The following SLC9A6 variants were observed in gnomAD, a reference collection of about 807,000 sequenced individuals.
The protein encoded by SLC9A6 is sodium/hydrogen exchanger 6.
Under a neutral mutation model 45.3 loss-of-function variants are expected in SLC9A6, and 6 were observed. The observed-to-expected ratio is 0.13, with a 90% CI of 0.07 to 0.26. SLC9A6 has a LOEUF of 0.26. Ranked by LOEUF, SLC9A6 falls within the 10% of genes least tolerant of loss-of-function variation. The pLI, the probability that SLC9A6 is intolerant of heterozygous loss-of-function variation, is 1.00. For synonymous variants in SLC9A6, 191 were observed against 187.7 expected (o/e 1.02, Z -0.14); for missense variants, 278 against 503.7 (o/e 0.55, Z 4.29).
In SLC9A6 at chrX:136,044,978, C is replaced by A. The variant is rs1334984490; in HGVS notation, c.*254C>A. The A allele has an allele frequency of 1.2e-5, 4 of 347,643 alleles. No homozygotes were observed. Among genetic ancestry groups the A allele is most frequent in the Non-Finnish European group, 2.0e-5 (4 of 200,045 alleles). The allele number at this position is 347,643 out of a possible 1,213,427, so 28.6% of individuals were successfully genotyped here. ...TACTTTCACAGTGATGTTGTGTGTT[C>A]TGTTAGTTTTATGTCTCAGTTAAAG... On this transcript the variant is annotated 3_prime_UTR_variant, in exon 18 of 18. Transcript: ENST00000630721.
At chrX:135,985,274 A>C (rs1556614604), upstream of SLC9A6, 4 of 287,414 alleles carry the variant, frequency 1.4e-5, no homozygotes, top group African/African-American at 2.8e-5. Flanking sequence ...GGGCTAGTTT[A>C]GACGGCCTTT....
chrX:135,988,501 T>TTTCTTTCTTTCTTTC (rs1556615239), intron 2 of SLC9A6, among the ~76,000 whole-genome samples: 24 of 104,762 alleles, frequency 2.3e-4, no homozygotes, highest in African/African-American at 8.5e-4. Context: ...TTCTTTCTTT[T>TTTCTTTCTTTCTTTC]CTTTCTTTCT....
chrX:136,019,692 A>G (rs1279022091), intron 11 of SLC9A6, among the ~76,000 whole-genome samples: 1 of 112,650 alleles, frequency 8.9e-6, no homozygotes, highest in African/African-American at 3.2e-5. Flanking sequence ...CCCCGCACTC[A>G]GTTTCCCCTA....
intron 12 of SLC9A6, 93 bp from the exon 13 acceptor site, chrX:136,024,236 TC>T: frequency 1.1e-6 from 1 of 921,531 alleles, no homozygotes; most frequent in Non-Finnish European, 1.6e-6. Flanking sequence ...TTCACATGCT[TC>T]TAAGTTTTTA....
Position 136,044,787 on chromosome X carries a change from C to G in SLC9A6, c.*63C>G, listed in dbSNP as rs948579065. 10 of 1,062,335 alleles carry G rather than the reference C, an allele frequency of 9.4e-6. No individual in the cohort carries two copies. In the Admixed American group the frequency reaches 2.0e-4, roughly 21 times the overall value. The allele number at this position is 1,062,335 out of a possible 1,213,427, so 87.5% of individuals were successfully genotyped here. The stretch of plus-strand genomic sequence containing the variant: ...ACATGTGATTGTGAAGAAATTTGTA[C>G]TACCTAAAAGTCCCAGTGCATGTCT... On this transcript the variant is annotated 3_prime_UTR_variant, in exon 18 of 18. Transcript: ENST00000630721.
intron 15 of SLC9A6, among the ~76,000 whole-genome samples, chrX:136,031,845 A>G: frequency 9.0e-6 from 1 of 111,120 alleles, no homozygotes. Context: ...CAAGAGGTGG[A>G]GGCACAGAAA....
chrX:136,036,292 G>A (rs1253311521), intron 16 of SLC9A6, among the ~76,000 whole-genome samples: 1 of 111,226 alleles, frequency 9.0e-6, no homozygotes, highest in African/African-American at 3.3e-5. Context: ...ACCTTTTCTT[G>A]TTTTTTGACC....
At chrX:135,991,128 C>T (rs1474293936) in intron 2 of SLC9A6, among the ~76,000 whole-genome samples, 2 of 111,701 alleles carry the variant, frequency 1.8e-5, no homozygotes, top group African/African-American at 6.5e-5. Flanking sequence ...TTTGTTTAAA[C>T]GTTTTTAAAG....
intron 13 of SLC9A6, among the ~76,000 whole-genome samples, chrX:136,028,624 G>A (rs1381023432): frequency 8.9e-6 from 1 of 112,513 alleles, no homozygotes; most frequent in African/African-American, 3.2e-5. Context: ...TGACTGAGAA[G>A]ATGTTAAAAC....
At chrX:135,999,231 A>G (rs1416758869) in intron 6 of SLC9A6, among the ~76,000 whole-genome samples, 1 of 110,122 alleles carries the variant, frequency 9.1e-6, no homozygotes, top group Non-Finnish European at 1.9e-5. Context: ...AAGGACTATA[A>G]GGTACTTTCT....
intron 10 of SLC9A6, among the ~76,000 whole-genome samples, chrX:136,014,824 G>A (rs2070990022): frequency 8.9e-6 from 1 of 112,736 alleles, no homozygotes; most frequent in South Asian, 3.6e-4. Flanking sequence ...AGTGTTGTTG[G>A]TGATATGATA....
At chrX:136,017,712 T>C (rs891350450) in intron 11 of SLC9A6, among the ~76,000 whole-genome samples, 7 of 111,872 alleles carry the variant, frequency 6.3e-5, no homozygotes, top group African/African-American at 2.3e-4. Context: ...TAGGGAGTTA[T>C]CTATTGTGTA....
At chrX:136,018,043 G>A (rs1348462412) in intron 11 of SLC9A6, among the ~76,000 whole-genome samples, 4 of 112,155 alleles carry the variant, frequency 3.6e-5, no homozygotes, top group East Asian at 5.6e-4. Context: ...AATGAAAGCC[G>A]AAGTGCCTTT....
At chrX:136,008,869 G>A (rs1193444633) in intron 7 of SLC9A6, among the ~76,000 whole-genome samples, 1 of 111,970 alleles carries the variant, frequency 8.9e-6, no homozygotes, top group Non-Finnish European at 1.9e-5. Flanking sequence ...AGAACAAAAC[G>A]AGCCTGTCAT....
At chrX:135,990,019 T>G (rs181655670) in intron 2 of SLC9A6, among the ~76,000 whole-genome samples, 163 of 112,064 alleles carry the variant, frequency 1.5e-3, no homozygotes, top group African/African-American at 5.1e-3. Context: ...GGAGTCTCGC[T>G]CTGTCTCCCA....
chrX:135,997,020 C>A (rs2089512358), intron 3 of SLC9A6, among the ~76,000 whole-genome samples: 1 of 110,796 alleles, frequency 9.0e-6, no homozygotes, highest in South Asian at 3.8e-4. Flanking sequence ...CCCGCCTTGG[C>A]CTCCCAAAGT....
intron 2 of SLC9A6, among the ~76,000 whole-genome samples, chrX:135,992,215 G>A (rs1269579671): frequency 9.0e-6 from 1 of 111,291 alleles, no homozygotes; most frequent in African/African-American, 3.3e-5. Flanking sequence ...ATCAATTAAG[G>A]TTCCTCTTAG....
chrX:136,044,725 G>C lies in SLC9A6; in HGVS notation c.*1G>C. On this transcript the variant is annotated 3_prime_UTR_variant, in exon 18 of 18. Transcript: ENST00000630721. ...TAATACGAGACATGGTCCAGCCTAA[G>C]CTTACTAATACTCACTTAGTGATTT... 3.3e-6 allele frequency: 4 copies of C among 1,209,384 alleles called. No homozygotes were observed. Among genetic ancestry groups the C allele is most frequent in the Non-Finnish European group, 4.5e-6 (4 of 893,418 alleles).
At chrX:135,993,971 A>T (rs1336687875) in intron 2 of SLC9A6, among the ~76,000 whole-genome samples, 3 of 111,836 alleles carry the variant, frequency 2.7e-5, no homozygotes, top group Non-Finnish European at 5.6e-5. Flanking sequence ...GAAGAACTCA[A>T]TCAACCTACA....
Sources: allele counts gnomAD v4.1 joint callset (sites outside exome capture counted in the v4.1 genomes callset), GRCh38; gene constraint gnomAD v4.1.1; transcripts MANE v1.5; gene names NCBI Gene and HGNC (gene_info 2026-07-23, HGNC 2026-07-21).